Variants in CYFIP2 observed in about 807,000 individuals in gnomAD.
The protein encoded by CYFIP2 is cytoplasmic FMR1 interacting protein 2.
Under a neutral mutation model 158.7 loss-of-function variants are expected in CYFIP2, and 29 were observed. The observed-to-expected ratio is 0.18, with a 90% confidence interval of 0.14 to 0.25. CYFIP2 has a LOEUF of 0.25. CYFIP2 is among the 10% of genes least tolerant of loss of function. The pLI is 1.00. For synonymous variants in CYFIP2, 585 were observed against 617.6 expected (o/e 0.95, Z 0.78); for missense variants, 852 against 1,639.5 (o/e 0.52, Z 8.29).
In CYFIP2 at chr5:157,342,803, A is replaced by G. The variant is rs1185240753; in HGVS notation, c.2673+1646A>G. 6 of 1,501,420 alleles carry G rather than the reference A, an allele frequency of 4.0e-6. No individual in the cohort carries two copies. The South Asian group carries it at 5.1e-5, about 13-fold the overall frequency. 93.0% of individuals were successfully genotyped at this position (1,501,420 alleles called of 1,614,324 possible). ...GGTAGTCTATAGACACATTTGTACA[A>G]ACGACCTACTGTGTGGAAAGCTTTA... On this transcript the variant is annotated intron_variant, in intron 23 of 30. Coordinates refer to ENST00000620254, the MANE Select transcript of CYFIP2 (RefSeq NM_001037333.3).
intron 2 of CYFIP2, among the ~76,000 whole-genome samples, chr5:157,286,737 A>G (rs924934625): frequency 6.6e-6 from 1 of 152,094 alleles, no homozygotes; most frequent in Admixed American, 6.6e-5. Context: ...AACTTTTAGC[A>G]GCTATTTGGG....
intron 26 of CYFIP2, among the ~76,000 whole-genome samples, chr5:157,365,886 C>G (rs1764324104): frequency 6.6e-6 from 1 of 151,834 alleles, no homozygotes; most frequent in Non-Finnish European, 1.5e-5. Flanking sequence ...CATGAACAGA[C>G]TAACTGAATC....
At chr5:157,326,386 T>C in intron 18 of CYFIP2, 119 bp downstream of exon 18, 1 of 852,694 alleles carries the variant, frequency 1.2e-6, no homozygotes, top group Non-Finnish European at 1.9e-6. Context: ...GAGGAATCTC[T>C]GTAACCATGG....
intron 3 of CYFIP2, 120 bp from the exon 4 acceptor site, chr5:157,294,663 C>T (rs890588188): frequency 3.0e-6 from 2 of 673,044 alleles, no homozygotes; most frequent in African/African-American, 3.6e-5. Context: ...GTAAGGTCCC[C>T]AAGTGATGTC....
intron 26 of CYFIP2, among the ~76,000 whole-genome samples, chr5:157,367,836 C>T (rs548604008): frequency 6.4e-4 from 94 of 147,708 alleles, no homozygotes; most frequent in Non-Finnish European, 1.1e-3. Context: ...CTCACTGTAA[C>T]CTCCGCCTCC....
At chr5:157,306,743 G>A (rs919973341) in intron 8 of CYFIP2, among the ~76,000 whole-genome samples, 1 of 152,114 alleles carries the variant, frequency 6.6e-6, no homozygotes, top group Admixed American at 6.5e-5. Flanking sequence ...TTAGCCGGGG[G>A]TGGTGGCGTG....
intron 1 of CYFIP2, among the ~76,000 whole-genome samples, chr5:157,282,371 C>T (rs971084470): frequency 1.3e-5 from 2 of 152,202 alleles, no homozygotes; most frequent in Admixed American, 6.5e-5. Flanking sequence ...TCACTCATCA[C>T]CAAGGGGATG....
At position 157,325,739 on chromosome 5, in the gene CYFIP2, A is replaced by G. The variant is rs1760970438; in HGVS notation, c.1982+101A>G. 3.1e-6 allele frequency: 4 copies of G among 1,277,268 alleles called. No individual in the cohort carries two copies. The South Asian group carries it at 7.0e-5, about 22-fold the overall frequency. The allele number at this position is 1,277,268 out of a possible 1,614,324, so 79.1% of individuals were successfully genotyped here. On this transcript the variant is annotated intron_variant, in intron 17 of 30. Transcript: ENST00000620254. ...TTCCAGAAGGAAGCACTGAGTTGAC[A>G]AGAAATGAGGCCATATGTCCCACCA...
At position 157,296,389 on chromosome 5, in the gene CYFIP2, T is replaced by A. The variant is rs111439891; in HGVS notation, c.286-284T>A. 4.5e-3 allele frequency: 1,745 copies of A among 390,584 alleles called. 32 individuals carry two copies. The highest frequency in any genetic ancestry group is 0.034 in the African/African-American group (1,635 of 48,206). 24.2% of individuals were successfully genotyped at this position (390,584 alleles called of 1,614,324 possible). On this transcript the variant is annotated intron_variant, in intron 4 of 30. Transcript: ENST00000620254. ...TGGGAGGATTGCTTGAGCCCAGGAGTTCAAGACTAGCCTGGGCAACATAGT... is the reference window on the plus strand; with the variant it reads ...TGGGAGGATTGCTTGAGCCCAGGAGATCAAGACTAGCCTGGGCAACATAGT...
At chr5:157,325,719 G>C in intron 17 of CYFIP2, 81 bp downstream of exon 17, 2 of 1,426,496 alleles carry the variant, frequency 1.4e-6, no homozygotes, top group Non-Finnish European at 1.9e-6. Context: ...GTTCTTTCCA[G>C]AAGGAAGCAC....
At chr5:157,385,148 TGCAGGCATCCC>T (rs1463095425) in intron 28 of CYFIP2, among the ~76,000 whole-genome samples, 1 of 152,198 alleles carries the variant, frequency 6.6e-6, no homozygotes, top group African/African-American at 2.4e-5. Context: ...GCTGTCATCC[TGCAGGCATCCC>T]GCCTCTCACT....
At chr5:157,365,603 G>C (rs1413188609) in intron 26 of CYFIP2, 2 of 151,952 alleles carry the variant, frequency 1.3e-5, no homozygotes, top group Non-Finnish European at 2.9e-5. Context: ...GCTTGATGAA[G>C]GCACATGTCC....
Position 157,394,048 on chromosome 5 carries a change from C to A in CYFIP2, c.*1048C>A, listed in dbSNP as rs952164829. The A allele has an allele frequency of 6.6e-6, 1 of 152,118 alleles. No individual in the cohort carries two copies. The highest frequency in any genetic ancestry group is 2.4e-5 in the African/African-American group (1 of 41,426). 9.4% of individuals were successfully genotyped at this position (152,118 alleles called of 1,614,324 possible). A position where few individuals can be genotyped will look rare whatever the true frequency, so the allele number is the denominator to read the frequency against. ...ACACCCCCTGCCCCCAAAGAAGAGT[C>A]CTCTTTTAGGGAATCAGAACCTTCA... On this transcript the variant is annotated 3_prime_UTR_variant, in exon 31 of 31. Coordinates refer to ENST00000620254, the MANE Select transcript of CYFIP2 (RefSeq NM_001037333.3).
chr5:157,301,883 C>A lies in CYFIP2; in HGVS notation c.570-911C>A, dbSNP rs533014469. Among the ~76,000 whole-genome samples the A allele has an allele frequency of 8.7e-4, 132 of 152,182 alleles. 1 individual carries two copies. Among genetic ancestry groups the A allele is most frequent in the African/African-American group, 2.8e-3 (117 of 41,506 alleles). On this transcript the variant is annotated intron_variant, in intron 6 of 30. Coordinates refer to ENST00000620254, the MANE Select transcript of CYFIP2 (RefSeq NM_001037333.3). ...TTGCTGTGTCTCTGATAAAGAGAGA[C>A]CCTCCTTGAATGACATCTTCCTGGG...
At chr5:157,302,725 C>G (rs1758881920) in intron 6 of CYFIP2, 69 bp from the exon 7 acceptor site, 6 of 1,278,716 alleles carry the variant, frequency 4.7e-6, no homozygotes, top group Non-Finnish European at 6.5e-6. Context: ...GCATGCGAGC[C>G]CGTGAGGCAT....
chr5:157,286,907 G>A (rs1477956409), intron 2 of CYFIP2, 112 bp from the exon 3 acceptor site: 10 of 721,358 alleles, frequency 1.4e-5, no homozygotes, highest in Non-Finnish European at 2.2e-5. Flanking sequence ...GCAGCAGGAG[G>A]TTTCCACAGA....
At chr5:157,320,606 G>GT (rs754135805) in intron 14 of CYFIP2, 49 bp from the exon 15 acceptor site, 9 of 1,610,786 alleles carry the variant, frequency 5.6e-6, no homozygotes, top group Non-Finnish European at 7.6e-6. Flanking sequence ...TTGTAGTGAC[G>GT]TTTTCCCATG....
At chr5:157,360,074 G>A (rs1324852301) in intron 24 of CYFIP2, among the ~76,000 whole-genome samples, 2 of 152,160 alleles carry the variant, frequency 1.3e-5, no homozygotes, top group Non-Finnish European at 2.9e-5. Context: ...ACCTAGAAAT[G>A]TGCCCTCCTT....
At position 157,361,577 on chromosome 5, in the gene CYFIP2, C is replaced by T. The variant is rs1419236764; in HGVS notation, c.3018C>T (p.Cys1006=). Residue 1006 remains cysteine, a synonymous_variant, in exon 26 of 31, where the codon TGC becomes TGT. Transcript: ENST00000620254. The surrounding 1 kb of genome is among the most constrained non-coding windows in gnomAD (Gnocchi z 4.4). Reference sequence around the variant, plus strand: ...AAGTGGGCAATGCCATCCTCTTCTGCCTCCTCATAGAGCAAGCTCTGGTAA... The same window carrying T: ...AAGTGGGCAATGCCATCCTCTTCTGTCTCCTCATAGAGCAAGCTCTGGTAA... ...LREVGNAILF[C]LLIEQALSQE... 2 of 1,613,782 alleles carry T rather than the reference C, an allele frequency of 1.2e-6. No homozygotes were observed. Among genetic ancestry groups the T allele is most frequent in the Admixed American group, 3.3e-5 (2 of 59,982 alleles).
Sources: allele counts gnomAD v4.1 joint callset (sites outside exome capture counted in the v4.1 genomes callset), GRCh38; gene constraint gnomAD v4.1.1; non-coding constraint Gnocchi (gnomAD v3.1); transcripts MANE v1.5; gene names NCBI Gene and HGNC (gene_info 2026-07-23, HGNC 2026-07-21).